The following DPF3 variants were observed in gnomAD, a reference collection of about 807,000 sequenced individuals.
DPF3 encodes double PHD fingers 3.
In DPF3, 18 loss-of-function variants were observed where a neutral mutation model predicts 56.8. The ratio of observed to expected loss-of-function variants is 0.32; its 90% CI spans 0.22 to 0.47. The LOEUF is 0.47. DPF3 is among the 20% of genes least tolerant of loss of function. DPF3 has a pLI of 1.00. For missense variants in DPF3, 403 were observed against 488.8 expected (o/e 0.82, Z 1.65); for synonymous variants, 188 against 180.2 (o/e 1.04, Z -0.35).
rs772666718 is a variant in DPF3, at chr14:72,892,347, C to A, written c.32+1710G>T. Reference sequence around the variant, plus strand: ...CATTTATTCTGCCATAAAACATTTTCTTTCTTGGGTGAAACGCTGTGGCGT... The same window carrying A: ...CATTTATTCTGCCATAAAACATTTTATTTCTTGGGTGAAACGCTGTGGCGT... On this transcript the variant is annotated intron_variant, in intron 1 of 10. Transcript: ENST00000556509. The A allele has an allele frequency of 3.9e-6, 6 of 1,534,838 alleles. No individual in the cohort carries two copies. In the South Asian group the frequency reaches 6.0e-5, roughly 15 times the overall value.
At chr14:72,778,689 G>A (rs1415399767) in intron 1 of DPF3, among the ~76,000 whole-genome samples, 1 of 152,180 alleles carries the variant, frequency 6.6e-6, no homozygotes, top group Non-Finnish European at 1.5e-5. Context: ...AAGCTACCCA[G>A]TCTATGCCAT....
intron 7 of DPF3, among the ~76,000 whole-genome samples, chr14:72,691,279 C>T (rs946589416): frequency 1.3e-5 from 2 of 152,214 alleles, no homozygotes; most frequent in Non-Finnish European, 2.9e-5. Flanking sequence ...ATCCCCTCCC[C>T]ACTCCCAAAT....
intron 2 of DPF3, among the ~76,000 whole-genome samples, chr14:72,756,873 G>A (rs74495820): frequency 0.11 from 5,458 of 50,820 alleles, 67 homozygotes; most frequent in East Asian, 0.14. Context: ...AGAAAGAAAG[G>A]AAGGAAAGAA....
rs1295191659 is a variant in DPF3, at chr14:72,892,941, CTGGA to C, written c.32+1112_32+1115del. On this transcript the variant is annotated intron_variant, in intron 1 of 10. Transcript: ENST00000556509. ...CTTGGCGGCTTAACAGTTCCACTGA[CTGGA>C]AGGAAGGAAGGAAGGAAGGAAGGAA... 1.5e-4 allele frequency among the ~76,000 whole-genome samples: 19 copies of C among 127,086 alleles called. 1 individual carries two copies. Among genetic ancestry groups the C allele is most frequent in the East Asian group, 4.7e-4 (2 of 4,254 alleles). The allele number at this position is 127,086 out of a possible 152,430, so 83.4% of individuals were successfully genotyped here.
chr14:72,851,883 G>T (rs1884997210), intron 1 of DPF3, among the ~76,000 whole-genome samples: 1 of 152,248 alleles, frequency 6.6e-6, no homozygotes, highest in South Asian at 2.1e-4. Context: ...GATTGGCCAG[G>T]CCCGCCACCA....
chr14:72,846,399 G>A (rs190775469), intron 1 of DPF3, among the ~76,000 whole-genome samples: 6,168 of 142,140 alleles, frequency 0.043, 188 homozygotes, highest in Non-Finnish European at 0.069. Context: ...GCAGTGGTGC[G>A]ATCTCGGCTC....
chr14:72,873,671 C>T lies in DPF3; in HGVS notation c.32+20386G>A, dbSNP rs1324237703. 2.0e-5 allele frequency among the ~76,000 whole-genome samples: 3 copies of T among 152,272 alleles called. No homozygotes were observed. The East Asian group carries it at 5.8e-4, about 29-fold the overall frequency. On this transcript the variant is annotated intron_variant, in intron 1 of 10. Coordinates refer to ENST00000556509, the MANE Select transcript of DPF3 (RefSeq NM_001280542.3). ...CACAATAGCAAAGACTTGGAACCAACCCAAATGTCCAACAATGATAGACTG... is the reference window on the plus strand; with the variant it reads ...CACAATAGCAAAGACTTGGAACCAATCCAAATGTCCAACAATGATAGACTG...
chr14:72,803,756 G>C (rs1470003426), intron 1 of DPF3, among the ~76,000 whole-genome samples: 1 of 152,210 alleles, frequency 6.6e-6, no homozygotes, highest in African/African-American at 2.4e-5. Context: ...ATGAATGCGT[G>C]AACACATGAA....
At chr14:72,632,606 A>C (rs1252603153) in intron 8 of DPF3, among the ~76,000 whole-genome samples, 1 of 147,756 alleles carries the variant, frequency 6.8e-6, no homozygotes, top group East Asian at 2.1e-4. Flanking sequence ...GAGGGAAGGA[A>C]GAAAGGAAGG....
chr14:72,855,564 T>C (rs1885142257), intron 1 of DPF3, among the ~76,000 whole-genome samples: 1 of 152,226 alleles, frequency 6.6e-6, no homozygotes. Context: ...TTCAACCACC[T>C]GGTGGAAGAC....
At chr14:72,669,549 C>T (rs923543303) in intron 8 of DPF3, among the ~76,000 whole-genome samples, 2 of 152,072 alleles carry the variant, frequency 1.3e-5, no homozygotes, top group African/African-American at 4.8e-5. Context: ...GTGGCCACAA[C>T]CTCCCTATTC....
chr14:72,855,376 G>C lies in DPF3; in HGVS notation c.32+38681C>G, dbSNP rs560877614. On this transcript the variant is annotated intron_variant, in intron 1 of 10. Coordinates refer to ENST00000556509, the MANE Select transcript of DPF3 (RefSeq NM_001280542.3). ...CATGTACCATCTCATCTGTATTCCT[G>C]GAGAGATAGTAGCCCATTATGAGTG... is the stretch of plus-strand genomic sequence containing the variant. Among the ~76,000 whole-genome samples the C allele has an allele frequency of 2.1e-3, 311 of 151,174 alleles. 15 individuals carry two copies. The South Asian group carries it at 0.065, about 32-fold the overall frequency.
intron 8 of DPF3, 130 bp downstream of exon 8, chr14:72,674,110 C>A: frequency 7.6e-7 from 1 of 1,320,980 alleles, no homozygotes; most frequent in Admixed American, 3.1e-5. Context: ...GAGCTGAAAA[C>A]TCCTCTCCAC....
chr14:72,628,145 G>A (rs1000859177), intron 9 of DPF3, among the ~76,000 whole-genome samples: 2 of 152,022 alleles, frequency 1.3e-5, no homozygotes, highest in African/African-American at 4.8e-5. Context: ...CTAGAATAGT[G>A]TCGAATCATA....
chr14:72,838,098 G>A (rs1884372353), intron 1 of DPF3, among the ~76,000 whole-genome samples: 1 of 152,208 alleles, frequency 6.6e-6, no homozygotes, highest in African/African-American at 2.4e-5. Context: ...CAGAGAGGGT[G>A]TGAGGGCCAG....
intron 8 of DPF3, chr14:72,661,653 A>G: frequency 1.0e-6 from 1 of 985,362 alleles, no homozygotes; most frequent in Non-Finnish European, 1.2e-6. Context: ...CCATGTTAGA[A>G]CACCCGCCGT....
chr14:72,857,951 T>C (rs1208606649), intron 1 of DPF3, among the ~76,000 whole-genome samples: 1 of 151,982 alleles, frequency 6.6e-6, no homozygotes, highest in Non-Finnish European at 1.5e-5. Flanking sequence ...GTAGGGAAAC[T>C]GTGTGGGTGA....
At chr14:72,893,013 A>C (rs148834318) in intron 1 of DPF3, among the ~76,000 whole-genome samples, 44,859 of 126,874 alleles carry the variant, frequency 0.35, 9,889 homozygotes, top group Non-Finnish European at 0.47. Flanking sequence ...GGAAGGAAGG[A>C]AGGAAGGAAG....
At chr14:72,861,611 G>C (rs1236903574) in intron 1 of DPF3, among the ~76,000 whole-genome samples, 6 of 151,904 alleles carry the variant, frequency 3.9e-5, no homozygotes, top group Admixed American at 3.9e-4. Context: ...AGCCATGTTT[G>C]GCTAATCCTA....
Sources: gnomAD v4.1 joint callset for allele counts (sites outside exome capture counted in the v4.1 genomes callset) on GRCh38, gnomAD v4.1.1 for gene constraint, MANE v1.5 for transcripts, NCBI Gene and HGNC (gene_info 2026-07-23, HGNC 2026-07-21) for gene names.